The following TMEM232 variants were observed in gnomAD, a reference collection of about 807,000 sequenced individuals.
TMEM232 encodes the protein transmembrane protein 232.
In TMEM232, 80 loss-of-function variants were observed where a neutral mutation model predicts 78.8. The ratio of observed to expected loss-of-function variants is 1.01; its 90% CI spans 0.85 to 1.22. The LOEUF is 1.22. Among genes scored for constraint, TMEM232 ranks in the 50% most tolerant of loss-of-function variants. TMEM232 has a pLI of 0.00. For synonymous variants in TMEM232, 297 were observed against 254.3 expected (o/e 1.17, Z -1.60); for missense variants, 881 against 742.2 (o/e 1.19, Z -2.17).
intron 12 of TMEM232, among the ~76,000 whole-genome samples, chr5:110,437,159 T>A (rs1758525960): frequency 6.6e-6 from 1 of 151,980 alleles, no homozygotes; most frequent in Non-Finnish European, 1.5e-5. Context: ...TGCAGAAATC[T>A]TTTACTTCTT....
chr5:110,627,971 T>A, intron 5 of TMEM232, 91 bp from the exon 6 acceptor site: 1 of 916,780 alleles, frequency 1.1e-6, no homozygotes, highest in South Asian at 1.6e-5. Context: ...ATTATTACAT[T>A]TTCTTTTGAG....
chr5:110,682,700 T>C (rs572850655), intron 1 of TMEM232, among the ~76,000 whole-genome samples: 3 of 152,248 alleles, frequency 2.0e-5, no homozygotes, highest in Admixed American at 2.0e-4. Flanking sequence ...ATCTAGAATA[T>C]AGTTTCTGCT....
intron 12 of TMEM232, among the ~76,000 whole-genome samples, chr5:110,452,677 TAGAAG>T (rs1036657782): frequency 1.5e-4 from 23 of 152,104 alleles, no homozygotes; most frequent in Non-Finnish European, 2.8e-4. Context: ...TGAGAAGAAA[TAGAAG>T]AGTCAGGGAT....
intron 12 of TMEM232, among the ~76,000 whole-genome samples, chr5:110,509,290 C>CTAGCCCATGGGCCACACA (rs1251747421): frequency 6.6e-6 from 1 of 151,696 alleles, no homozygotes; most frequent in Non-Finnish European, 1.5e-5. Flanking sequence ...AAAAAATTAG[C>CTAGCCCATGGGCCACACA]TAGGTGTGGT....
chr5:110,487,732 T>A (rs1388039318), intron 12 of TMEM232, among the ~76,000 whole-genome samples: 3 of 152,036 alleles, frequency 2.0e-5, no homozygotes, highest in Non-Finnish European at 4.4e-5. Flanking sequence ...AATCTTAGCA[T>A]CTATATTCAA....
At chr5:110,612,929 G>A (rs1028040717) in intron 8 of TMEM232, among the ~76,000 whole-genome samples, 1 of 152,090 alleles carries the variant, frequency 6.6e-6, no homozygotes, top group African/African-American at 2.4e-5. Context: ...AAACCACAGG[G>A]TGGAGCATTG....
At chr5:110,446,661 C>T (rs140823297) in intron 12 of TMEM232, among the ~76,000 whole-genome samples, 1 of 152,106 alleles carries the variant, frequency 6.6e-6, no homozygotes. Flanking sequence ...ATGTTAATAT[C>T]CCACCACTGT....
At chr5:110,456,403 T>C (rs563812698) in intron 12 of TMEM232, among the ~76,000 whole-genome samples, 1 of 151,796 alleles carries the variant, frequency 6.6e-6, no homozygotes, top group South Asian at 2.1e-4. Context: ...TCAAAACAGA[T>C]CTAAATAAAA....
At chr5:110,394,347 C>A (rs555888858) in intron 3 of TMEM232, among the ~76,000 whole-genome samples, 1 of 152,268 alleles carries the variant, frequency 6.6e-6, no homozygotes, top group South Asian at 2.1e-4. Context: ...TTTATGAAAT[C>A]ATCTGTTGTT....
In TMEM232 at chr5:110,568,474, T is replaced by A. The variant is rs1270604525; in HGVS notation, c.1428A>T (p.Arg476=). The part of the protein sequence containing the change: ...QKTKDYEEDV[R]IQNAINIAQA... ...GAGCTATATTGATTGCATTTTGGAT[T>A]CGTACATCTTCCTCATAATCCTTTG... Residue 476 remains arginine, a synonymous_variant, in exon 11 of 14, where the codon CGA becomes CGT. Coordinates refer to ENST00000455884, the MANE Select transcript of TMEM232 (RefSeq NM_001039763.4). 17 of 1,547,680 alleles carry A rather than the reference T, an allele frequency of 1.1e-5. No homozygotes were observed. Among genetic ancestry groups the A allele is most frequent in the Middle Eastern group, 1.7e-4 (1 of 5,984 alleles).
intron 1 of TMEM232, among the ~76,000 whole-genome samples, chr5:110,707,229 T>A (rs767745672): frequency 1.3e-5 from 2 of 152,122 alleles, no homozygotes; most frequent in African/African-American, 4.8e-5. Flanking sequence ...TAACTTCATA[T>A]TACTGAAAGA....
intron 1 of TMEM232, among the ~76,000 whole-genome samples, chr5:110,726,328 C>T (rs1469714813): frequency 6.6e-6 from 1 of 151,924 alleles, no homozygotes; most frequent in Non-Finnish European, 1.5e-5. Flanking sequence ...TTTCCCTATT[C>T]ATAGCAATAA....
At position 110,678,984 on chromosome 5, in the gene TMEM232, G is replaced by A. The variant is rs1472866209; in HGVS notation, c.-12-11620C>T. 2.0e-5 allele frequency among the ~76,000 whole-genome samples: 3 copies of A among 152,144 alleles called. No homozygotes were observed. The East Asian group carries it at 5.8e-4, about 29-fold the overall frequency. On this transcript the variant is annotated intron_variant, in intron 1 of 13. Coordinates refer to ENST00000455884, the MANE Select transcript of TMEM232 (RefSeq NM_001039763.4). ...ATTATAAAGCTGCTAAAACATTCAT[G>A]TGCAGGTTTTTCTATGGACTTAAGT...
At chr5:110,576,207 C>G (rs755495974) in intron 10 of TMEM232, among the ~76,000 whole-genome samples, 1 of 151,942 alleles carries the variant, frequency 6.6e-6, no homozygotes, top group East Asian at 1.9e-4. Context: ...AAAATCGATG[C>G]GCAAAAATTG....
chr5:110,490,032 G>A (rs1350267202), intron 12 of TMEM232, among the ~76,000 whole-genome samples: 2 of 151,820 alleles, frequency 1.3e-5, no homozygotes, highest in African/African-American at 2.4e-5. Context: ...GCTGAGGCAG[G>A]AGAATTTCTT....
At chr5:110,642,949 A>T (rs1402288167) in intron 2 of TMEM232, among the ~76,000 whole-genome samples, 1 of 152,068 alleles carries the variant, frequency 6.6e-6, no homozygotes, top group Non-Finnish European at 1.5e-5. Flanking sequence ...CCAATGCTAT[A>T]CTGAGAATTA....
chr5:110,456,736 C>T (rs1178728994), intron 12 of TMEM232, among the ~76,000 whole-genome samples: 1 of 152,044 alleles, frequency 6.6e-6, no homozygotes, highest in African/African-American at 2.4e-5. Context: ...CAGTCAACTG[C>T]ATTTTGACAA....
In TMEM232 at chr5:110,574,678, T is replaced by C. The variant is rs4259211; in HGVS notation, c.1277-6053A>G. Among the ~76,000 whole-genome samples, 9 of 152,214 alleles carry C rather than the reference T, an allele frequency of 5.9e-5. 1 individual carries two copies. The highest frequency in any genetic ancestry group is 5.8e-4 in the East Asian group (3 of 5,156). ...AATTGCAAAGCTTGGTGAACTTCCA[T>C]AGTTGACCATACTCTATGTATATTG... On this transcript the variant is annotated intron_variant, in intron 10 of 13. Transcript: ENST00000455884.
intron 12 of TMEM232, among the ~76,000 whole-genome samples, chr5:110,477,007 T>A (rs1763327473): frequency 1.3e-5 from 2 of 151,942 alleles, no homozygotes; most frequent in African/African-American, 2.4e-5. Flanking sequence ...TGAAATCAGA[T>A]CTCCTTTTGG....
Sources: gnomAD v4.1 joint callset for allele counts (sites outside exome capture counted in the v4.1 genomes callset) on GRCh38, gnomAD v4.1.1 for gene constraint, MANE v1.5 for transcripts, NCBI Gene and HGNC (gene_info 2026-07-23, HGNC 2026-07-21) for gene names.